RARB: variants seen among roughly 807,000 people sequenced by gnomAD.
RARB encodes the protein retinoic acid receptor beta.
A neutral mutation model predicts 51.9 loss-of-function variants in RARB; 17 were observed. The observed-to-expected ratio is 0.33, with a 90% CI of 0.22 to 0.49. The LOEUF is 0.49. RARB is among the 20% of genes least tolerant of loss of function. RARB has a pLI of 0.99. For synonymous variants in RARB, 215 were observed against 195.4 expected, an observed-to-expected ratio of 1.10 and a Z score of -0.84; for missense variants, 369 against 550.8, an observed-to-expected ratio of 0.67 and a Z score of 3.30.
chr3:25,236,908 A>C (rs1442541388), intron 5 of RARB, among the ~76,000 whole-genome samples: 1 of 134,792 alleles, frequency 7.4e-6, no homozygotes, highest in African/African-American at 2.8e-5. Context: ...TTTATTTTAA[A>C]CCCCGGAAAT....
intron 3 of RARB, among the ~76,000 whole-genome samples, chr3:25,109,018 C>G (rs1429412362): frequency 6.6e-6 from 1 of 152,068 alleles, no homozygotes; most frequent in Non-Finnish European, 1.5e-5. Context: ...TTGCCACACA[C>G]CAATGATAAC....
intron 5 of RARB, among the ~76,000 whole-genome samples, chr3:25,283,249 C>A (rs1703568154): frequency 6.6e-6 from 1 of 152,198 alleles, no homozygotes; most frequent in African/African-American, 2.4e-5. Context: ...ATGGCAATGA[C>A]CTCTCACTTT....
At chr3:25,255,623 A>C (rs1403287496) in intron 5 of RARB, among the ~76,000 whole-genome samples, 2 of 150,858 alleles carry the variant, frequency 1.3e-5, no homozygotes, top group Admixed American at 6.6e-5. Flanking sequence ...GTCTCAAAGT[A>C]CTGATAATAT....
intron 5 of RARB, among the ~76,000 whole-genome samples, chr3:25,297,596 C>A (rs1251683732): frequency 6.6e-6 from 1 of 151,878 alleles, no homozygotes; most frequent in Non-Finnish European, 1.5e-5. Context: ...TAAAGAAAAG[C>A]TAATCATGTA....
Position 25,338,406 on chromosome 3 carries a change from G to A in RARB, c.179-122787G>A, listed in dbSNP as rs189024284. ...TGAAGGGTGGGCTGTTGTCTAAATTGAATGGGTGAAGAGAAACAGAGAGAC... is the reference window on the plus strand; with the variant it reads ...TGAAGGGTGGGCTGTTGTCTAAATTAAATGGGTGAAGAGAAACAGAGAGAC... On this transcript the variant is annotated intron_variant, in intron 5 of 11. Coordinates refer to the RARB transcript ENST00000383772. 4.4e-4 allele frequency among the ~76,000 whole-genome samples: 67 copies of A among 152,266 alleles called. 1 individual carries two copies. The East Asian group carries it at 0.012, about 27-fold the overall frequency.
chr3:25,477,204 A>G (rs754829609), intron 2 of RARB, among the ~76,000 whole-genome samples: 3 of 152,212 alleles, frequency 2.0e-5, no homozygotes, highest in African/African-American at 4.8e-5. Context: ...TAGTTCTAGG[A>G]AAGTAAATGC....
At chr3:24,919,703 C>G (rs975448438) in intron 2 of RARB, among the ~76,000 whole-genome samples, 1 of 152,204 alleles carries the variant, frequency 6.6e-6, no homozygotes, top group East Asian at 1.9e-4. Flanking sequence ...GGTATCTTTT[C>G]TAAAAGGACC....
intron 4 of RARB, among the ~76,000 whole-genome samples, chr3:25,136,193 A>G (rs1575176877): frequency 6.6e-6 from 1 of 152,150 alleles, no homozygotes; most frequent in Non-Finnish European, 1.5e-5. Context: ...CTTGACAGGC[A>G]TATGTCATGA....
chr3:25,044,023 C>G (rs929839955), intron 2 of RARB, among the ~76,000 whole-genome samples: 1 of 147,034 alleles, frequency 6.8e-6, no homozygotes, highest in Non-Finnish European at 1.5e-5. Flanking sequence ...CTCAGGTTTT[C>G]CCATTTTTTT....
intron 3 of RARB, among the ~76,000 whole-genome samples, chr3:25,517,248 T>C (rs1345536860): frequency 6.6e-6 from 1 of 152,164 alleles, no homozygotes; most frequent in Non-Finnish European, 1.5e-5. Context: ...CTTCAATGAA[T>C]ACAATGAGGC....
intron 5 of RARB, among the ~76,000 whole-genome samples, chr3:25,413,364 A>C (rs1406222040): frequency 6.6e-6 from 1 of 152,088 alleles, no homozygotes; most frequent in Admixed American, 6.5e-5. Context: ...CACATTTTTT[A>C]TCCATTCTCT....
intron 5 of RARB, among the ~76,000 whole-genome samples, chr3:25,232,841 T>C (rs1702210893): frequency 6.6e-6 from 1 of 152,180 alleles, no homozygotes; most frequent in Non-Finnish European, 1.5e-5. Flanking sequence ...CACTTTATTA[T>C]AAAAATAGTT....
intron 5 of RARB, among the ~76,000 whole-genome samples, chr3:25,354,717 G>A (rs1348617349): frequency 6.6e-6 from 1 of 152,060 alleles, no homozygotes; most frequent in Admixed American, 6.6e-5. Context: ...CTTTTGTTGG[G>A]TTTGATGTAT....
At chr3:24,856,330 C>T (rs1702635786) in intron 1 of RARB, among the ~76,000 whole-genome samples, 1 of 152,022 alleles carries the variant, frequency 6.6e-6, no homozygotes, top group Non-Finnish European at 1.5e-5. Context: ...CAGGGGACTC[C>T]TCAGAGGAAG....
At chr3:25,065,734 C>T (rs528856385) in intron 3 of RARB, among the ~76,000 whole-genome samples, 1 of 152,334 alleles carries the variant, frequency 6.6e-6, no homozygotes, top group East Asian at 1.9e-4. Flanking sequence ...AAATGCTCTA[C>T]ACTAACCCAA....
chr3:25,543,777 A>G (rs1163499836), intron 3 of RARB, among the ~76,000 whole-genome samples: 3 of 152,204 alleles, frequency 2.0e-5, no homozygotes, highest in Admixed American at 6.5e-5. Flanking sequence ...GGGAGGAGCA[A>G]GATTGGAAAT....
intron 5 of RARB, among the ~76,000 whole-genome samples, chr3:25,218,296 C>CCAGTGT (rs1559510117): frequency 6.6e-6 from 1 of 151,982 alleles, no homozygotes; most frequent in African/African-American, 2.4e-5. Context: ...GCGCCCCCAC[C>CCAGTGT]CAGTGTGTGT....
chr3:25,564,540 A>C (rs1700406782), intron 3 of RARB, among the ~76,000 whole-genome samples: 1 of 152,234 alleles, frequency 6.6e-6, no homozygotes, highest in South Asian at 2.1e-4. Flanking sequence ...TCTGGAAGAA[A>C]GAGGCTCAGG....
At chr3:25,520,008 C>T (rs936792457) in intron 3 of RARB, among the ~76,000 whole-genome samples, 1 of 152,140 alleles carries the variant, frequency 6.6e-6, no homozygotes, top group Admixed American at 6.6e-5. Context: ...GCCTATGAGC[C>T]AAATCTGGCC....
Sources: gnomAD v4.1 joint callset for allele counts (sites outside exome capture counted in the v4.1 genomes callset) on GRCh38, gnomAD v4.1.1 for gene constraint, MANE v1.5 for transcripts, NCBI Gene and HGNC (gene_info 2026-07-23, HGNC 2026-07-21) for gene names.